Variants in SMCO1 observed in about 807,000 individuals in gnomAD.
SMCO1 encodes single-pass membrane and coiled-coil domain-containing protein 1.
In SMCO1, 9 loss-of-function variants were observed where a neutral mutation model predicts 7.5. That is an observed-to-expected ratio of 1.20 (90% confidence interval 0.72 to 2.09). The LOEUF (loss-of-function observed/expected upper bound fraction) is 2.09. SMCO1 is among the 30% of genes most tolerant of loss of function. SMCO1 has a pLI of 0.00. For synonymous variants in SMCO1, 90 were observed against 93.8 expected (o/e 0.96, Z 0.23); for missense variants, 219 against 253.1 (o/e 0.87, Z 0.91).
At position 196,509,681 on chromosome 3, in the gene SMCO1, CAG is replaced by C. The variant is rs767675104; in HGVS notation, c.51-14_51-13del. 9 of 1,607,488 alleles carry C rather than the reference CAG, an allele frequency of 5.6e-6. No homozygotes were observed. In the African/African-American group the frequency reaches 1.1e-4, roughly 19 times the overall value. ...GTTTGTGGTCTACTCTGTAGGATAA[CAG>C]AATCAAGGGTTAGTTTAGGTTACAG... is the stretch of plus-strand genomic sequence containing the variant. On this transcript the variant is annotated splice_polypyrimidine_tract_variant and intron_variant, in intron 1 of 2. Transcript: ENST00000397537.
At position 196,507,881 on chromosome 3, in the gene SMCO1, A is replaced by G. The variant is rs1220155778; in HGVS notation, c.*6T>C. 4 of 1,577,324 alleles carry G rather than the reference A, an allele frequency of 2.5e-6. No homozygotes were observed. The Admixed American group carries it at 5.3e-5, about 21-fold the overall frequency. The stretch of plus-strand genomic sequence containing the variant: ...AGGTGGAATCACTGGGTCATAGGGT[A>G]ACAGGTTAGTTTTTGACAGATGGTA... On this transcript the variant is annotated 3_prime_UTR_variant, in exon 3 of 3. Coordinates refer to ENST00000397537, the MANE Select transcript of SMCO1 (RefSeq NM_001077657.3).
chr3:196,508,753 A>C (rs1023955597), intron 2 of SMCO1, among the ~76,000 whole-genome samples: 2 of 150,952 alleles, frequency 1.3e-5, no homozygotes, highest in African/African-American at 4.8e-5. Context: ...CCTGGCCAAC[A>C]TGGTGAAACC....
chr3:196,511,442 C>T (rs1394328411), intron 1 of SMCO1, among the ~76,000 whole-genome samples: 74 of 82,090 alleles, frequency 9.0e-4, no homozygotes, highest in African/African-American at 5.2e-3. Context: ...TGAGGGAAAC[C>T]TGCCTGAGCC....
chr3:196,513,204 C>G (rs1206505808), intron 1 of SMCO1, among the ~76,000 whole-genome samples: 1 of 151,882 alleles, frequency 6.6e-6, no homozygotes, highest in Non-Finnish European at 1.5e-5. Flanking sequence ...GGTGTGCACA[C>G]TTGTGGTCCC....
chr3:196,517,428 G>A (rs1165009746), upstream of SMCO1, among the ~76,000 whole-genome samples: 2 of 152,114 alleles, frequency 1.3e-5, no homozygotes, highest in Non-Finnish European at 2.9e-5. Flanking sequence ...GTGAGCTGGA[G>A]ATTAAGTTCC....
At chr3:196,517,313 G>A (rs1733412232), upstream of SMCO1, among the ~76,000 whole-genome samples, 1 of 151,932 alleles carries the variant, frequency 6.6e-6, no homozygotes, top group Non-Finnish European at 1.5e-5. Flanking sequence ...ATTTAGGGTG[G>A]TGCAACTAGA....
In SMCO1 at chr3:196,507,911, C is replaced by A; in HGVS notation, c.621G>T (p.Glu207Asp). Residue 207 changes from glutamate to aspartate, a missense_variant, in exon 3 of 3, where the codon GAG (glutamate) becomes GAT (aspartate). Coordinates refer to ENST00000397537, the MANE Select transcript of SMCO1 (RefSeq NM_001077657.3). The part of the protein sequence containing the change: ...TPEKQKSSLE[E>D]LIPSVKN ...GTTAGTTTTTGACAGATGGTATCAA[C>A]TCTTCGAGGGATGACTTTTGCTTTT... 1 of 1,612,598 alleles carries A rather than the reference C, an allele frequency of 6.2e-7. No individual in the cohort carries two copies. Among genetic ancestry groups the A allele is most frequent in the East Asian group, 2.2e-5 (1 of 44,862 alleles).
At position 196,509,588 on chromosome 3, in the gene SMCO1, T is replaced by C; in HGVS notation, c.132A>G (p.Glu44=). Residue 44 remains glutamate (E), a synonymous_variant, in exon 2 of 3, where the codon GAA becomes GAG. Coordinates refer to ENST00000397537, the MANE Select transcript of SMCO1 (RefSeq NM_001077657.3). The stretch of plus-strand genomic sequence containing the variant: ...GGCTTGCCAAAGCCTTACTATGATG[T>C]TCGAATTTCTGCATCAGGTTATCCT... ...FTKDNLMQKF[E]HHSKALASQA... 6.2e-7 allele frequency: 1 copy of C among 1,614,042 alleles called. No homozygotes were observed. Among genetic ancestry groups the C allele is most frequent in the Non-Finnish European group, 8.5e-7 (1 of 1,179,982 alleles).
intron 1 of SMCO1, among the ~76,000 whole-genome samples, chr3:196,512,709 T>A (rs1332969908): frequency 6.6e-6 from 1 of 151,978 alleles, no homozygotes; most frequent in Non-Finnish European, 1.5e-5. Flanking sequence ...GGTTTCACCA[T>A]GTTGGCCAGG....
chr3:196,509,178 T>A (rs1331524159), intron 2 of SMCO1, among the ~76,000 whole-genome samples: 1 of 147,868 alleles, frequency 6.8e-6, no homozygotes, highest in Non-Finnish European at 1.5e-5. Flanking sequence ...GCCTCCCGAG[T>A]AGTTGGGACT....
chr3:196,509,828 C>T (rs1415913591), intron 1 of SMCO1, among the ~76,000 whole-genome samples, 159 bp from the exon 2 acceptor site: 1 of 151,762 alleles, frequency 6.6e-6, no homozygotes, highest in East Asian at 1.9e-4. Context: ...AAATGGGTAG[C>T]TATTTGAATT....
intron 1 of SMCO1, 80 bp from the exon 2 acceptor site, chr3:196,509,749 AT>A: frequency 8.1e-7 from 1 of 1,235,124 alleles, no homozygotes; most frequent in Non-Finnish European, 1.1e-6. Context: ...GCTCTAATAC[AT>A]TATTTACAAC....
rs1014567260 is a variant in SMCO1, at chr3:196,507,174, GA to G, written c.*712del. 12 of 152,226 alleles carry G rather than the reference GA, an allele frequency of 7.9e-5. No individual in the cohort carries two copies. Among genetic ancestry groups the G allele is most frequent in the African/African-American group, 2.9e-4 (12 of 41,448 alleles). 9.4% of individuals were successfully genotyped at this position (152,226 alleles called of 1,614,324 possible). ...ATGGGAGCTCTCAGTCTGGCTCATG[GA>G]TTTATCCAGAACTCATAGCTTGGTT... On this transcript the variant is annotated 3_prime_UTR_variant, in exon 3 of 3. Coordinates refer to ENST00000397537, the MANE Select transcript of SMCO1 (RefSeq NM_001077657.3).
intron 1 of SMCO1, among the ~76,000 whole-genome samples, chr3:196,512,798 G>A (rs185522415): frequency 2.6e-4 from 39 of 151,978 alleles, no homozygotes; most frequent in African/African-American, 8.0e-4. Flanking sequence ...GTGAGCCACC[G>A]CACCCGGCCT....
chr3:196,519,701 C>A (rs114403762), upstream of SMCO1, among the ~76,000 whole-genome samples: 453 of 152,316 alleles, frequency 3.0e-3, 3 homozygotes, highest in Non-Finnish European at 5.1e-3. Flanking sequence ...GTTAAAGAAG[C>A]CTTGCCTTTT....
At chr3:196,509,273 C>T (rs1338127264) in intron 2 of SMCO1, among the ~76,000 whole-genome samples, 2 of 148,724 alleles carry the variant, frequency 1.3e-5, no homozygotes, top group East Asian at 4.0e-4. Context: ...ACTGTGTCAG[C>T]CAGGGTGGTC....
At chr3:196,511,130 T>C (rs1733212975) in intron 1 of SMCO1, among the ~76,000 whole-genome samples, 1 of 145,706 alleles carries the variant, frequency 6.9e-6, no homozygotes, top group South Asian at 2.1e-4. Flanking sequence ...ACCTAGATTG[T>C]CTTTATGAGG....
intron 2 of SMCO1, among the ~76,000 whole-genome samples, 161 bp downstream of exon 2, chr3:196,509,359 C>T (rs541870293): frequency 4.0e-5 from 6 of 151,846 alleles, no homozygotes; most frequent in African/African-American, 9.7e-5. Flanking sequence ...CCACTGTGCC[C>T]GGCCAAATTA....
chr3:196,511,280 C>T lies in SMCO1; in HGVS notation c.51-1611G>A, dbSNP rs113215059. ...ACCTGCCTGGGCCACCTAGATTGTC[C>T]TTATGAGGGAAACTTGCCTGGGCCA... On this transcript the variant is annotated intron_variant, in intron 1 of 2. Coordinates refer to ENST00000397537, the MANE Select transcript of SMCO1 (RefSeq NM_001077657.3). Among the ~76,000 whole-genome samples the T allele has an allele frequency of 4.1e-3, 465 of 114,220 alleles. 27 individuals are homozygous for T. The highest frequency in any genetic ancestry group is 0.011 in the African/African-American group (153 of 14,226). 74.9% of individuals were successfully genotyped at this position (114,220 alleles called of 152,430 possible).
Sources: allele counts gnomAD v4.1 joint callset (sites outside exome capture counted in the v4.1 genomes callset), GRCh38; gene constraint gnomAD v4.1.1; transcripts MANE v1.5; gene names NCBI Gene and HGNC (gene_info 2026-07-23, HGNC 2026-07-21).